TLN2: variants seen among roughly 807,000 people sequenced by gnomAD.
TLN2 encodes the protein talin-2.
A neutral mutation model predicts 294.7 loss-of-function variants in TLN2; 118 were observed. The observed-to-expected ratio is 0.40, with a 90% CI of 0.34 to 0.47. TLN2 has a LOEUF of 0.47. Ranked by LOEUF, TLN2 falls within the 20% of genes least tolerant of loss-of-function variation. TLN2 has a pLI of 0.84. For missense variants in TLN2, 3,083 were observed against 3,282.2 expected, an observed-to-expected ratio of 0.94 and a Z score of 1.48; for synonymous variants, 1,431 against 1,304.5, an observed-to-expected ratio of 1.10 and a Z score of -2.09.
intron 2 of TLN2, among the ~76,000 whole-genome samples, chr15:62,615,760 A>G (rs573743012): frequency 5.3e-5 from 8 of 152,224 alleles, no homozygotes; most frequent in Non-Finnish European, 1.0e-4. Flanking sequence ...GAAATTTTCA[A>G]TCAAAGGAGT....
intron 1 of TLN2, among the ~76,000 whole-genome samples, chr15:62,409,146 G>C (rs1280954323): frequency 6.7e-6 from 1 of 149,546 alleles, no homozygotes; most frequent in Non-Finnish European, 1.5e-5. Context: ...CTGACTGTTG[G>C]GGATTTTTTT....
At chr15:62,728,671 T>C (rs1046710062) in intron 28 of TLN2, among the ~76,000 whole-genome samples, 1 of 152,214 alleles carries the variant, frequency 6.6e-6, no homozygotes, top group African/African-American at 2.4e-5. Context: ...TCGAGGATCT[T>C]TTCATAGGTT....
chr15:62,487,569 A>T (rs2038471711), intron 1 of TLN2, among the ~76,000 whole-genome samples: 1 of 152,054 alleles, frequency 6.6e-6, no homozygotes, highest in Non-Finnish European at 1.5e-5. Context: ...GCGGTGGCTC[A>T]TGCCTATAAT....
At chr15:62,458,943 A>G (rs1365902688) in intron 1 of TLN2, among the ~76,000 whole-genome samples, 1 of 151,944 alleles carries the variant, frequency 6.6e-6, no homozygotes, top group Non-Finnish European at 1.5e-5. Flanking sequence ...CTAAACCTCT[A>G]TTTAGGGGTC....
intron 42 of TLN2, among the ~76,000 whole-genome samples, chr15:62,771,513 A>G (rs2063348601): frequency 6.6e-6 from 1 of 152,152 alleles, no homozygotes; most frequent in African/African-American, 2.4e-5. Context: ...AACACTTAAG[A>G]GACTGCAGTT....
chr15:62,491,575 G>T lies in TLN2; in HGVS notation c.-237-98112G>T, dbSNP rs996483021. 3.3e-5 allele frequency among the ~76,000 whole-genome samples: 5 copies of T among 152,264 alleles called. No homozygotes were observed. In the East Asian group the frequency reaches 9.6e-4, roughly 29 times the overall value. ...TCTCAGTGAGCACAGGGATGAGTTT[G>T]AGTTGTTTGTCCTTTGTCCACAAGG... is the stretch of plus-strand genomic sequence containing the variant. On this transcript the variant is annotated intron_variant, in intron 1 of 58. Transcript: ENST00000636159.
chr15:62,730,486 G>A (rs1388690925), intron 28 of TLN2, among the ~76,000 whole-genome samples: 6 of 152,048 alleles, frequency 3.9e-5, no homozygotes, highest in African/African-American at 1.4e-4. Flanking sequence ...TTTCATTAGG[G>A]ATCATTTCTC....
intron 2 of TLN2, among the ~76,000 whole-genome samples, chr15:62,590,368 CCGTGTGTTCT>C (rs1161498287): frequency 6.6e-6 from 1 of 152,108 alleles, no homozygotes; most frequent in Admixed American, 6.5e-5. Flanking sequence ...CCCATTGTTT[CCGTGTGTTCT>C]CATCATTTAG....
intron 26 of TLN2, among the ~76,000 whole-genome samples, chr15:62,723,071 T>A (rs1201904327): frequency 2.0e-5 from 3 of 152,168 alleles, no homozygotes; most frequent in Non-Finnish European, 4.4e-5. Flanking sequence ...ACTACTCTGT[T>A]TGATGTGGTA....
intron 1 of TLN2, among the ~76,000 whole-genome samples, chr15:62,499,364 C>T (rs1049414952): frequency 5.3e-5 from 8 of 152,068 alleles, no homozygotes; most frequent in African/African-American, 1.9e-4. Flanking sequence ...GTGGGAGGAT[C>T]GCTAGAGCCC....
At chr15:62,587,761 A>G (rs544554273) in intron 1 of TLN2, among the ~76,000 whole-genome samples, 26 of 152,352 alleles carry the variant, frequency 1.7e-4, no homozygotes, top group Admixed American at 5.9e-4. Context: ...CCAGGTGGCT[A>G]CAGAATGACG....
intron 1 of TLN2, among the ~76,000 whole-genome samples, chr15:62,547,242 A>T (rs2042044394): frequency 6.6e-6 from 1 of 152,218 alleles, no homozygotes; most frequent in Admixed American, 6.5e-5. Flanking sequence ...GATACTGTTA[A>T]TGTTGACCCC....
chr15:62,716,851 A>C (rs953526119), intron 23 of TLN2, among the ~76,000 whole-genome samples: 1 of 152,192 alleles, frequency 6.6e-6, no homozygotes, highest in Non-Finnish European at 1.5e-5. Context: ...TTGGGTGGAT[A>C]GGTATAGAAG....
intron 1 of TLN2, among the ~76,000 whole-genome samples, chr15:62,413,891 C>T (rs1259711661): frequency 7.0e-6 from 1 of 142,932 alleles, no homozygotes; most frequent in Admixed American, 7.5e-5. Context: ...AATGTGTATG[C>T]CTATTTTATT....
At chr15:62,513,858 G>A (rs2040052153) in intron 1 of TLN2, among the ~76,000 whole-genome samples, 1 of 152,184 alleles carries the variant, frequency 6.6e-6, no homozygotes, top group South Asian at 2.1e-4. Flanking sequence ...AGATTAAATG[G>A]TGTAAAAGCC....
At chr15:62,778,706 A>G (rs1312036754) in intron 43 of TLN2, among the ~76,000 whole-genome samples, 2 of 152,248 alleles carry the variant, frequency 1.3e-5, no homozygotes, top group Non-Finnish European at 2.9e-5. Context: ...TGGGCTGGAA[A>G]TAAGTCAGGT....
At chr15:62,459,449 A>G (rs1428313563) in intron 1 of TLN2, among the ~76,000 whole-genome samples, 1 of 152,106 alleles carries the variant, frequency 6.6e-6, no homozygotes, top group East Asian at 1.9e-4. Context: ...ATACCTGTAT[A>G]CTATTCCTCA....
At chr15:62,392,725 A>AG (rs1256529298) in intron 1 of TLN2, among the ~76,000 whole-genome samples, 1 of 152,136 alleles carries the variant, frequency 6.6e-6, no homozygotes, top group East Asian at 1.9e-4. Flanking sequence ...TGAAGAGGCT[A>AG]GAAGGGACCA....
chr15:62,571,000 C>G (rs183893376), intron 1 of TLN2, among the ~76,000 whole-genome samples: 5 of 151,926 alleles, frequency 3.3e-5, no homozygotes, highest in Non-Finnish European at 7.4e-5. Flanking sequence ...GGATCACTTT[C>G]AACCCAGCTG....
Sources: allele counts gnomAD v4.1 joint callset (sites outside exome capture counted in the v4.1 genomes callset), GRCh38; gene constraint gnomAD v4.1.1; transcripts MANE v1.5; gene names NCBI Gene and HGNC (gene_info 2026-07-23, HGNC 2026-07-21).